ANO10: variants seen among roughly 807,000 people sequenced by gnomAD.
ANO10 encodes the protein anoctamin-10.
In ANO10, 77 loss-of-function variants were observed where a neutral mutation model predicts 74.7. The observed-to-expected ratio is 1.03, with a 90% CI of 0.86 to 1.25. The LOEUF is 1.25. Among genes scored for constraint, ANO10 ranks in the 50% most tolerant of loss-of-function variants. The pLI, the probability that ANO10 is intolerant of heterozygous loss-of-function variation, is 0.00. For missense variants in ANO10, 721 were observed against 778.1 expected (o/e 0.93, Z 0.87); for synonymous variants, 279 against 284.9 (o/e 0.98, Z 0.21).
chr3:43,399,026 C>T (rs2092433502), intron 12 of ANO10, among the ~76,000 whole-genome samples: 3 of 152,178 alleles, frequency 2.0e-5, no homozygotes, highest in African/African-American at 7.2e-5. Context: ...TGGGGTTTCG[C>T]CATGTTGCCC....
intron 12 of ANO10, among the ~76,000 whole-genome samples, chr3:43,387,818 CT>C (rs2092166710): frequency 6.6e-6 from 1 of 152,142 alleles, no homozygotes; most frequent in Admixed American, 6.5e-5. Context: ...TGCACCTGCC[CT>C]AGCAGAAGTC....
intron 11 of ANO10, among the ~76,000 whole-genome samples, chr3:43,448,650 A>C (rs2093283637): frequency 6.6e-6 from 1 of 152,200 alleles, no homozygotes; most frequent in African/African-American, 2.4e-5. Context: ...AAGCTGCTAT[A>C]AACATCCATC....
At chr3:43,593,934 A>G (rs923656728) in intron 4 of ANO10, among the ~76,000 whole-genome samples, 2 of 152,190 alleles carry the variant, frequency 1.3e-5, no homozygotes, top group Non-Finnish European at 2.9e-5. Flanking sequence ...AGCAAATGGA[A>G]AACAAAAACA....
At chr3:43,518,240 C>A (rs921930540) in intron 11 of ANO10, among the ~76,000 whole-genome samples, 6 of 152,176 alleles carry the variant, frequency 3.9e-5, no homozygotes, top group African/African-American at 1.2e-4. Flanking sequence ...TTTATAATTT[C>A]TTACACCTGT....
At chr3:43,394,122 T>TA (rs1269077331) in intron 12 of ANO10, among the ~76,000 whole-genome samples, 2 of 152,156 alleles carry the variant, frequency 1.3e-5, no homozygotes, top group Non-Finnish European at 1.5e-5. Context: ...TGTTGGTAGA[T>TA]ATGCTTTCAC....
At position 43,565,721 on chromosome 3, in the gene ANO10, A is replaced by T; in HGVS notation, c.1225T>A (p.Phe409Ile). 1 of 1,543,390 alleles carries T rather than the reference A, an allele frequency of 6.5e-7. No individual in the cohort carries two copies. The highest frequency in any genetic ancestry group is 8.7e-7 in the Non-Finnish European group (1 of 1,142,960). Residue 409 changes from phenylalanine to isoleucine, a missense_variant, in exon 8 of 13, where the codon TTC becomes ATC. Physicochemically the swap from Phe to Ile is conservative, Grantham distance 21. Transcript: ENST00000292246. Reference sequence around the variant, plus strand: ...AAGAGTGAGGCAAAGCAATTGAGGAAGTTGAACTGCCAAAAAAAAAAAAAA... The same window carrying T: ...AAGAGTGAGGCAAAGCAATTGAGGATGTTGAACTGCCAAAAAAAAAAAAAA... ...HLILKVLVFN[F>I]LNCFASLFYI...
At chr3:43,563,668 C>T (rs1284227407) in intron 8 of ANO10, among the ~76,000 whole-genome samples, 1 of 151,968 alleles carries the variant, frequency 6.6e-6, no homozygotes, top group Non-Finnish European at 1.5e-5. Flanking sequence ...TACTAGTTGG[C>T]CATAAAAAAG....
chr3:43,377,049 T>G (rs2091828960), intron 12 of ANO10, among the ~76,000 whole-genome samples: 1 of 152,226 alleles, frequency 6.6e-6, no homozygotes, highest in African/African-American at 2.4e-5. Context: ...TGGACAAGAC[T>G]TACATAGCAT....
In ANO10 at chr3:43,471,933, G is replaced by C. The variant is rs994081169; in HGVS notation, c.1798-39206C>G. ...ATCACAAATAAATGGATGAAAAAAAGGTCAAATGTTTATGGCAGCTCTATT... is the reference window on the plus strand; with the variant it reads ...ATCACAAATAAATGGATGAAAAAAACGTCAAATGTTTATGGCAGCTCTATT... On this transcript the variant is annotated intron_variant, in intron 11 of 12. Transcript: ENST00000292246. Among the ~76,000 whole-genome samples, 9 of 152,050 alleles carry C rather than the reference G, an allele frequency of 5.9e-5. No homozygotes were observed. The East Asian group carries it at 7.7e-4, about 13-fold the overall frequency.
intron 11 of ANO10, among the ~76,000 whole-genome samples, chr3:43,510,984 G>A (rs375648095): frequency 1.4e-4 from 22 of 152,164 alleles, no homozygotes; most frequent in African/African-American, 3.1e-4. Flanking sequence ...AAAATTACCC[G>A]TTTATCCCAA....
chr3:43,552,599 T>C (rs2149316843), intron 10 of ANO10, among the ~76,000 whole-genome samples: 1 of 151,360 alleles, frequency 6.6e-6, no homozygotes, highest in South Asian at 2.1e-4. Flanking sequence ...CCTATAGCTA[T>C]TCTCTTAGGA....
intron 12 of ANO10, among the ~76,000 whole-genome samples, chr3:43,401,922 T>C (rs1350575664): frequency 6.6e-6 from 1 of 152,068 alleles, no homozygotes; most frequent in Non-Finnish European, 1.5e-5. Context: ...CTCAAGGGAG[T>C]GGGTGTCACC....
intron 11 of ANO10, among the ~76,000 whole-genome samples, chr3:43,530,695 A>G (rs924361552): frequency 1.3e-5 from 2 of 152,144 alleles, no homozygotes; most frequent in African/African-American, 4.8e-5. Flanking sequence ...ATTAAAGTAT[A>G]TTATAATGAT....
At chr3:43,376,374 A>G (rs561752643) in intron 12 of ANO10, among the ~76,000 whole-genome samples, 10 of 152,312 alleles carry the variant, frequency 6.6e-5, no homozygotes, top group African/African-American at 2.4e-4. Context: ...AACCAAGGGG[A>G]CTAGAGCAGT....
intron 11 of ANO10, among the ~76,000 whole-genome samples, chr3:43,547,468 G>A (rs892538885): frequency 2.6e-5 from 4 of 152,160 alleles, no homozygotes; most frequent in African/African-American, 9.7e-5. Flanking sequence ...GAAACCTGCA[G>A]GGAGCCTTCT....
intron 10 of ANO10, among the ~76,000 whole-genome samples, chr3:43,552,836 C>G (rs1489938556): frequency 6.6e-6 from 1 of 151,632 alleles, no homozygotes; most frequent in Non-Finnish European, 1.5e-5. Context: ...TCTTGTCACC[C>G]AGGCTGGAGT....
chr3:43,378,897 A>G (rs1220634279), intron 12 of ANO10, among the ~76,000 whole-genome samples: 1 of 152,172 alleles, frequency 6.6e-6, no homozygotes, highest in Admixed American at 6.5e-5. Context: ...CCCTCAGAAA[A>G]GTTAATTTTT....
At chr3:43,385,339 G>C (rs757858434) in intron 12 of ANO10, among the ~76,000 whole-genome samples, 13 of 152,184 alleles carry the variant, frequency 8.5e-5, no homozygotes, top group Non-Finnish European at 1.9e-4. Flanking sequence ...AACCACTATA[G>C]AAAACAGTGT....
Position 43,432,810 on chromosome 3 carries a change from G to A in ANO10, c.1798-83C>T, listed in dbSNP as rs186648388. ...ATAAATTGATATCTAAGCAATCTAGGATTATTTATATTAATCTTGGGTAAT... is the reference window on the plus strand; with the variant it reads ...ATAAATTGATATCTAAGCAATCTAGAATTATTTATATTAATCTTGGGTAAT... On this transcript the variant is annotated intron_variant, in intron 11 of 12. Coordinates refer to ENST00000292246, the MANE Select transcript of ANO10 (RefSeq NM_018075.5). The A allele has an allele frequency of 9.7e-5, 92 of 948,102 alleles. No individual in the cohort carries two copies. In the African/African-American group the frequency reaches 1.3e-3, roughly 13 times the overall value. The allele number at this position is 948,102 out of a possible 1,614,324, so 58.7% of individuals were successfully genotyped here.
Sources: gnomAD v4.1 joint callset for allele counts (sites outside exome capture counted in the v4.1 genomes callset) on GRCh38, gnomAD v4.1.1 for gene constraint, MANE v1.5 for transcripts, NCBI Gene and HGNC (gene_info 2026-07-23, HGNC 2026-07-21) for gene names.